HPCAL4: variants seen among roughly 807,000 people sequenced by gnomAD.
HPCAL4 encodes the protein hippocalcin like 4.
A neutral mutation model predicts 18.2 loss-of-function variants in HPCAL4; 16 were observed. The observed-to-expected ratio is 0.88, with a 90% CI of 0.59 to 1.33. The LOEUF is 1.33. HPCAL4 is among the 40% of genes most tolerant of loss of function. The pLI is 0.00. For missense variants in HPCAL4, 214 were observed against 256.6 expected (o/e 0.83, Z 1.14); for synonymous variants, 80 against 97.5 (o/e 0.82, Z 1.06).
At chr1:39,688,720 C>T (rs1038646465) in intron 1 of HPCAL4, among the ~76,000 whole-genome samples, 3 of 152,194 alleles carry the variant, frequency 2.0e-5, no homozygotes, top group Non-Finnish European at 4.4e-5. Flanking sequence ...CACTCACCAC[C>T]GCATACTCCT....
In HPCAL4 at chr1:39,680,166, C is replaced by CT. The variant is rs1646613591; in HGVS notation, c.*2369dup. The CT allele has an allele frequency of 1.3e-5, 2 of 152,608 alleles. No homozygotes were observed. The highest frequency in any genetic ancestry group is 4.1e-4 in the South Asian group (2 of 4,826). 9.5% of individuals were successfully genotyped at this position (152,608 alleles called of 1,614,324 possible). ...ATGAATATCAATGTAACTTGCCCTGCTGTCAACCTCTGCACAGCTTAGTCA... is the reference window on the plus strand; with the variant it reads ...ATGAATATCAATGTAACTTGCCCTGCTTGTCAACCTCTGCACAGCTTAGTCA... On this transcript the variant is annotated 3_prime_UTR_variant, in exon 4 of 4. Transcript: ENST00000372844.
chr1:39,683,853 CG>C, intron 3 of HPCAL4, 83 bp downstream of exon 3: 8 of 1,281,256 alleles, frequency 6.2e-6, no homozygotes, highest in Non-Finnish European at 8.8e-6. Context: ...AGGGAGGCCC[CG>C]AAGCCCGAGA....
intron 1 of HPCAL4, among the ~76,000 whole-genome samples, chr1:39,686,848 G>A (rs1357448330): frequency 1.3e-5 from 2 of 151,638 alleles, no homozygotes; most frequent in Admixed American, 1.3e-4. Flanking sequence ...GACCTGCCTA[G>A]AGTCTCTTTG....
intron 1 of HPCAL4, 82 bp from the exon 2 acceptor site, chr1:39,684,693 C>T: frequency 7.8e-7 from 1 of 1,288,206 alleles, no homozygotes; most frequent in Non-Finnish European, 1.0e-6. Context: ...CTGCCACACA[C>T]AGGGCGGGGT....
Position 39,684,478 on chromosome 1 carries a change from G to A in HPCAL4, c.126C>T (p.Ile42=), listed in dbSNP as rs758441133. Residue 42 remains isoleucine (I), a synonymous_variant, in exon 2 of 4, where the codon ATC becomes ATT. Coordinates refer to ENST00000372844, the MANE Select transcript of HPCAL4 (RefSeq NM_016257.4). The part of the protein sequence containing the change: ...KGFLKDCPSG[I]LNLEEFQQLY... Reference sequence around the variant, plus strand: ...GCTGCTGAAACTCCTCCAGGTTGAGGATGCCGCTGGGGCAGTCCTTCAGGA... The same window carrying A: ...GCTGCTGAAACTCCTCCAGGTTGAGAATGCCGCTGGGGCAGTCCTTCAGGA... The A allele has an allele frequency of 1.6e-5, 26 of 1,611,996 alleles. No homozygotes were observed. Among genetic ancestry groups the A allele is most frequent in the Non-Finnish European group, 2.1e-5 (25 of 1,179,056 alleles).
At chr1:39,689,836 C>T (rs184586957) in intron 1 of HPCAL4, among the ~76,000 whole-genome samples, 7 of 150,424 alleles carry the variant, frequency 4.7e-5, no homozygotes, top group African/African-American at 1.5e-4. Flanking sequence ...GCCATGGTGA[C>T]AATAGCTCCC....
chr1:39,686,046 T>C (rs1364389803), intron 1 of HPCAL4, among the ~76,000 whole-genome samples: 1 of 151,522 alleles, frequency 6.6e-6, no homozygotes, highest in African/African-American at 2.4e-5. Flanking sequence ...CCAGGCATGG[T>C]GGCGGGCGCC....
Position 39,679,324 on chromosome 1 carries a change from C to T in HPCAL4, c.*3212G>A, listed in dbSNP as rs1646600692. ...TACTTATGAACTAACTTTTTCTTCA[C>T]TTTTGATATACAGGTAAGTTAAATA... On this transcript the variant is annotated 3_prime_UTR_variant, in exon 4 of 4. Transcript: ENST00000372844. 6.6e-6 allele frequency: 1 copy of T among 152,160 alleles called. No individual in the cohort carries two copies. Among genetic ancestry groups the T allele is most frequent in the Admixed American group, 6.5e-5 (1 of 15,270 alleles). 9.4% of individuals were successfully genotyped at this position (152,160 alleles called of 1,614,324 possible).
chr1:39,689,155 T>C (rs1241029911), intron 1 of HPCAL4, among the ~76,000 whole-genome samples: 2 of 152,194 alleles, frequency 1.3e-5, no homozygotes, highest in Non-Finnish European at 2.9e-5. Context: ...ATTTTTCCCA[T>C]GGGGAAAATA....
Position 39,684,611 on chromosome 1 carries a change from C to A in HPCAL4, c.-8G>T. The A allele has an allele frequency of 6.3e-7, 1 of 1,584,210 alleles. No homozygotes were observed. The highest frequency in any genetic ancestry group is 8.6e-7 in the Non-Finnish European group (1 of 1,165,886). On this transcript the variant is annotated splice_region_variant and 5_prime_UTR_variant, in exon 2 of 4. Transcript: ENST00000372844. ...GCTGTTGGTCTTCCCCATGGCGGGGCCTGTGGGACAGAGGGATTCCTCCGA... is the reference window on the plus strand; with the variant it reads ...GCTGTTGGTCTTCCCCATGGCGGGGACTGTGGGACAGAGGGATTCCTCCGA...
intron 1 of HPCAL4, among the ~76,000 whole-genome samples, chr1:39,685,565 C>T (rs1646665826): frequency 1.3e-5 from 2 of 152,152 alleles, no homozygotes; most frequent in South Asian, 4.1e-4. Flanking sequence ...GACACCTAGT[C>T]TCTACAAAAA....
chr1:39,689,993 A>G lies in HPCAL4; in HGVS notation c.-9+1313T>C, dbSNP rs1029806565. 3.9e-4 allele frequency among the ~76,000 whole-genome samples: 59 copies of G among 152,176 alleles called. 1 individual carries two copies. Among genetic ancestry groups the G allele is most frequent in the Non-Finnish European group, 7.3e-5 (5 of 68,032 alleles). ...AAAGAGTAATCCCAGCTGGCCACCT[A>G]CAATTTGGAGCTGTCCATGTCAGGA... On this transcript the variant is annotated intron_variant, in intron 1 of 3. Coordinates refer to ENST00000372844, the MANE Select transcript of HPCAL4 (RefSeq NM_016257.4).
In HPCAL4 at chr1:39,684,610, G is replaced by T. The variant is rs1300068609; in HGVS notation, c.-7C>A. The T allele has an allele frequency of 6.3e-7, 1 of 1,588,356 alleles. No homozygotes were observed. The highest frequency in any genetic ancestry group is 1.2e-5 in the South Asian group (1 of 86,616). ...TGCTGTTGGTCTTCCCCATGGCGGGGCCTGTGGGACAGAGGGATTCCTCCG... is the reference window on the plus strand; with the variant it reads ...TGCTGTTGGTCTTCCCCATGGCGGGTCCTGTGGGACAGAGGGATTCCTCCG... On this transcript the variant is annotated splice_region_variant and 5_prime_UTR_variant, in exon 2 of 4. Transcript: ENST00000372844.
chr1:39,687,767 G>A (rs953019852), intron 1 of HPCAL4, among the ~76,000 whole-genome samples: 1 of 152,074 alleles, frequency 6.6e-6, no homozygotes, highest in African/African-American at 2.4e-5. Flanking sequence ...AGCCAGACAT[G>A]GTAGCATGTG....
chr1:39,690,900 C>T (rs1193604940), intron 1 of HPCAL4, among the ~76,000 whole-genome samples: 2 of 152,058 alleles, frequency 1.3e-5, no homozygotes, highest in East Asian at 3.9e-4. Flanking sequence ...TGGGAGTTTG[C>T]CATGGTGCTG....
Position 39,683,866 on chromosome 1 carries a change from C to A in HPCAL4, c.378+71G>T, listed in dbSNP as rs1034457855. 5.7e-6 allele frequency: 8 copies of A among 1,392,024 alleles called. No homozygotes were observed. In the East Asian group the frequency reaches 7.0e-5, roughly 12 times the overall value. 86.2% of individuals were successfully genotyped at this position (1,392,024 alleles called of 1,614,324 possible). ...GCAGGGAGGCCCCGAAGCCCGAGAG[C>A]AGCGCGGAGGCAGGGGCGGGGATGG... On this transcript the variant is annotated intron_variant, in intron 3 of 3. Transcript: ENST00000372844.
At chr1:39,687,465 AGCATG>A (rs1208392258) in intron 1 of HPCAL4, among the ~76,000 whole-genome samples, 2 of 152,136 alleles carry the variant, frequency 1.3e-5, no homozygotes, top group African/African-American at 2.4e-5. Context: ...TGTGTGTGGG[AGCATG>A]TCAATGTCTG....
chr1:39,689,893 C>T (rs892500557), intron 1 of HPCAL4, among the ~76,000 whole-genome samples: 14 of 152,306 alleles, frequency 9.2e-5, no homozygotes, highest in African/African-American at 3.1e-4. Context: ...TTTGCTCTTC[C>T]CCAAGCAGCA....
intron 1 of HPCAL4, chr1:39,691,006 T>A (rs761249993): frequency 6.6e-6 from 1 of 152,120 alleles, no homozygotes; most frequent in Non-Finnish European, 1.5e-5. Context: ...TGTGCATCTG[T>A]GTGTGTATGT....
Sources: gnomAD v4.1 joint callset for allele counts (sites outside exome capture counted in the v4.1 genomes callset) on GRCh38, gnomAD v4.1.1 for gene constraint, MANE v1.5 for transcripts, NCBI Gene and HGNC (gene_info 2026-07-23, HGNC 2026-07-21) for gene names.